Variants in TBC1D5 observed in about 807,000 individuals in gnomAD.
TBC1D5 encodes the protein TBC1 domain family member 5.
In TBC1D5, 75 loss-of-function variants were observed where a neutral mutation model predicts 100.3. The ratio of observed to expected loss-of-function variants is 0.75; its 90% confidence interval spans 0.62 to 0.91. TBC1D5 has a LOEUF of 0.91. Among genes scored for constraint, TBC1D5 ranks in the 40% least tolerant of loss-of-function variants. The pLI, the probability that TBC1D5 is intolerant of heterozygous loss-of-function variation, is 0.00. For synonymous variants in TBC1D5, 323 were observed against 325.6 expected (o/e 0.99, Z 0.09); for missense variants, 910 against 942.4 (o/e 0.97, Z 0.45).
At chr3:17,420,543 T>A (rs1002479973) in intron 4 of TBC1D5, among the ~76,000 whole-genome samples, 16 of 152,260 alleles carry the variant, frequency 1.1e-4, no homozygotes, top group South Asian at 4.2e-4. Flanking sequence ...TGAATTTTTT[T>A]AAAAAAATTA....
At chr3:17,165,061 C>G (rs965393995) in intron 21 of TBC1D5, among the ~76,000 whole-genome samples, 1 of 152,166 alleles carries the variant, frequency 6.6e-6, no homozygotes, top group South Asian at 2.1e-4. Context: ...CAGAAGCACA[C>G]GCAGAGGTGC....
At chr3:17,208,085 T>G (rs1252688568) in intron 18 of TBC1D5, among the ~76,000 whole-genome samples, 1 of 152,246 alleles carries the variant, frequency 6.6e-6, no homozygotes, top group Non-Finnish European at 1.5e-5. Flanking sequence ...CACATCACAC[T>G]GGCCTGGAAA....
chr3:17,568,661 A>G (rs2096607751), intron 2 of TBC1D5, among the ~76,000 whole-genome samples: 1 of 151,612 alleles, frequency 6.6e-6, no homozygotes, highest in African/African-American at 2.4e-5. Flanking sequence ...TGTATTGGCA[A>G]TAGGCAACAT....
chr3:17,268,026 G>C (rs537541702), intron 15 of TBC1D5, among the ~76,000 whole-genome samples: 107 of 152,116 alleles, frequency 7.0e-4, no homozygotes, highest in African/African-American at 2.5e-3. Context: ...ATAACACCTA[G>C]ATTTGAGTTG....
chr3:17,237,658 T>C (rs1465342611), intron 17 of TBC1D5, among the ~76,000 whole-genome samples: 2 of 152,252 alleles, frequency 1.3e-5, no homozygotes, highest in Non-Finnish European at 2.9e-5. Context: ...TGGCTGCTTT[T>C]AGTTTCTCCC....
chr3:17,488,649 A>G (rs570578499), intron 3 of TBC1D5, among the ~76,000 whole-genome samples: 2 of 152,290 alleles, frequency 1.3e-5, no homozygotes, highest in South Asian at 4.1e-4. Context: ...TTATGTTGTC[A>G]TTGTTTAGGA....
chr3:17,301,834 A>C (rs1312932441), intron 14 of TBC1D5, among the ~76,000 whole-genome samples: 2 of 152,224 alleles, frequency 1.3e-5, no homozygotes, highest in East Asian at 3.8e-4. Context: ...AGAGTGACTT[A>C]CAATATGAAA....
intron 2 of TBC1D5, among the ~76,000 whole-genome samples, chr3:17,522,344 A>G (rs1046711197): frequency 2.6e-5 from 4 of 152,150 alleles, no homozygotes; most frequent in African/African-American, 9.7e-5. Context: ...TTAAAATGTC[A>G]TTATAAGCCC....
chr3:17,267,206 A>G (rs2078939488), intron 15 of TBC1D5, among the ~76,000 whole-genome samples: 1 of 152,184 alleles, frequency 6.6e-6, no homozygotes, highest in Non-Finnish European at 1.5e-5. Flanking sequence ...GTGCAGAAAG[A>G]TGCCAGAGTA....
chr3:17,415,146 C>A (rs2094033042), intron 4 of TBC1D5, among the ~76,000 whole-genome samples: 1 of 152,008 alleles, frequency 6.6e-6, no homozygotes, highest in Admixed American at 6.6e-5. Flanking sequence ...ATAATACTCT[C>A]CTTTTTATTA....
At chr3:17,410,296 A>C (rs534398002) in intron 4 of TBC1D5, among the ~76,000 whole-genome samples, 1 of 152,260 alleles carries the variant, frequency 6.6e-6, no homozygotes, top group East Asian at 1.9e-4. Context: ...TTGCTCAGGA[A>C]AAAAGATTCC....
At chr3:17,242,315 C>T (rs920697861) in intron 16 of TBC1D5, among the ~76,000 whole-genome samples, 1 of 152,068 alleles carries the variant, frequency 6.6e-6, no homozygotes, top group Non-Finnish European at 1.5e-5. Flanking sequence ...TAGTTTATCT[C>T]CTTTCTTCCT....
At chr3:17,376,314 A>G (rs994487698) in intron 10 of TBC1D5, among the ~76,000 whole-genome samples, 4 of 152,166 alleles carry the variant, frequency 2.6e-5, no homozygotes, top group African/African-American at 9.6e-5. Flanking sequence ...AGAATTCCAA[A>G]GACATTTATG....
chr3:17,729,185 C>G (rs1382965340), intron 1 of TBC1D5, among the ~76,000 whole-genome samples: 1 of 151,894 alleles, frequency 6.6e-6, no homozygotes, highest in African/African-American at 2.4e-5. Context: ...CAAATTAGTT[C>G]TCTCCTGCAC....
At chr3:17,548,505 C>G (rs1234239434) in intron 2 of TBC1D5, among the ~76,000 whole-genome samples, 1 of 152,110 alleles carries the variant, frequency 6.6e-6, no homozygotes, top group Non-Finnish European at 1.5e-5. Flanking sequence ...TGTGCATCTT[C>G]TACCCAAAAG....
At chr3:17,211,384 T>C (rs751019204) in intron 18 of TBC1D5, among the ~76,000 whole-genome samples, 1 of 152,216 alleles carries the variant, frequency 6.6e-6, no homozygotes, top group Non-Finnish European at 1.5e-5. Context: ...AAATCTAGCA[T>C]TTAAGTATAT....
At chr3:17,685,681 CATCATTAAT>C (rs1294914104) in intron 1 of TBC1D5, among the ~76,000 whole-genome samples, 1 of 152,042 alleles carries the variant, frequency 6.6e-6, no homozygotes, top group Admixed American at 6.6e-5. Context: ...AGTTCTCATA[CATCATTAAT>C]ATAATTATAA....
rs531999034 is a variant in TBC1D5, at chr3:17,625,334, T to C, written c.-100-1421A>G. Among the ~76,000 whole-genome samples the C allele has an allele frequency of 2.0e-5, 3 of 152,230 alleles. No individual in the cohort carries two copies. In the South Asian group the frequency reaches 6.2e-4, roughly 32 times the overall value. On this transcript the variant is annotated intron_variant, in intron 1 of 21. Coordinates refer to ENST00000253692, the Ensembl canonical transcript of TBC1D5. ...AGTATGTAGGAGGCAAGTGTCCTTG[T>C]GCTTATAATTAGCATCTGAATTCAG...
At chr3:17,233,595 T>G (rs1576165719) in intron 17 of TBC1D5, 90 bp downstream of exon 18, 1 of 715,084 alleles carries the variant, frequency 1.4e-6, no homozygotes, top group South Asian at 2.0e-5. Context: ...GAATGGAGGG[T>G]GGGCAAAAAG....
Sources: gnomAD v4.1 joint callset for allele counts (sites outside exome capture counted in the v4.1 genomes callset) on GRCh38, gnomAD v4.1.1 for gene constraint, MANE v1.5 for transcripts, NCBI Gene and HGNC (gene_info 2026-07-23, HGNC 2026-07-21) for gene names.